Variants in PCSK2 observed in about 807,000 individuals in gnomAD.
The protein encoded by PCSK2 is neuroendocrine convertase 2.
A neutral mutation model predicts 69.7 loss-of-function variants in PCSK2; 14 were observed. That is an observed-to-expected ratio of 0.20 (90% CI 0.13 to 0.31). The LOEUF (loss-of-function observed/expected upper bound fraction) is 0.31. Among genes scored for constraint, PCSK2 ranks in the 10% least tolerant of loss-of-function variants. The pLI, the probability that PCSK2 is intolerant of heterozygous loss-of-function variation, is 1.00. For synonymous variants in PCSK2, 307 were observed against 320.7 expected, an observed-to-expected ratio of 0.96 and a Z score of 0.46; for missense variants, 544 against 842.5, an observed-to-expected ratio of 0.65 and a Z score of 4.39.
chr20:17,425,088 T>A (rs911791448), intron 6 of PCSK2, among the ~76,000 whole-genome samples: 1 of 152,212 alleles, frequency 6.6e-6, no homozygotes, highest in Non-Finnish European at 1.5e-5. Flanking sequence ...TAAAGAATTA[T>A]GTTTTTCTAA....
chr20:17,401,439 C>A (rs975542420), intron 5 of PCSK2, among the ~76,000 whole-genome samples: 1 of 152,056 alleles, frequency 6.6e-6, no homozygotes, highest in Non-Finnish European at 1.5e-5. Flanking sequence ...GCACTAATCC[C>A]GTTCATGAGG....
At chr20:17,315,479 T>C (rs1989654482) in intron 2 of PCSK2, among the ~76,000 whole-genome samples, 1 of 152,198 alleles carries the variant, frequency 6.6e-6, no homozygotes, top group Non-Finnish European at 1.5e-5. Context: ...GCCTCCCTCC[T>C]GCGCGGAAAG....
chr20:17,321,309 C>T (rs1320231930), intron 2 of PCSK2, among the ~76,000 whole-genome samples: 1 of 152,186 alleles, frequency 6.6e-6, no homozygotes, highest in East Asian at 1.9e-4. Flanking sequence ...CATAGGATTG[C>T]AGTGACAGAA....
chr20:17,243,385 A>C (rs141407503), intron 1 of PCSK2, among the ~76,000 whole-genome samples: 1 of 152,276 alleles, frequency 6.6e-6, no homozygotes, highest in Non-Finnish European at 1.5e-5. Context: ...TTTTTTCTAA[A>C]GACAAGGCCT....
At chr20:17,423,219 A>G (rs959838149) in intron 6 of PCSK2, among the ~76,000 whole-genome samples, 6 of 152,220 alleles carry the variant, frequency 3.9e-5, no homozygotes, top group Non-Finnish European at 8.8e-5. Flanking sequence ...ATTAATCAAT[A>G]CATGTGAAGT....
chr20:17,241,061 G>T (rs1423148269), intron 1 of PCSK2, among the ~76,000 whole-genome samples: 1 of 152,176 alleles, frequency 6.6e-6, no homozygotes, highest in Non-Finnish European at 1.5e-5. Context: ...AGACAAATGG[G>T]AGTGCTCCAT....
At chr20:17,380,837 C>T (rs16999051) in intron 5 of PCSK2, among the ~76,000 whole-genome samples, 19,339 of 152,168 alleles carry the variant, frequency 0.13, 1,497 homozygotes, top group Middle Eastern at 0.22. Flanking sequence ...GCAATTAGTG[C>T]GTTATTCTAA....
At chr20:17,410,500 T>C (rs1278302092) in intron 6 of PCSK2, among the ~76,000 whole-genome samples, 1 of 151,864 alleles carries the variant, frequency 6.6e-6, no homozygotes, top group Non-Finnish European at 1.5e-5. Context: ...ATGCAGAAAA[T>C]AAGAAAAAAG....
intron 2 of PCSK2, among the ~76,000 whole-genome samples, chr20:17,296,379 T>C (rs529266170): frequency 1.3e-5 from 2 of 152,290 alleles, no homozygotes; most frequent in African/African-American, 4.8e-5. Context: ...TATAAAGAAT[T>C]ACCAACTTTT....
intron 2 of PCSK2, among the ~76,000 whole-genome samples, chr20:17,328,431 T>A (rs1990123294): frequency 6.7e-6 from 1 of 148,838 alleles, no homozygotes. Context: ...TTATACATAA[T>A]TTTATATATT....
Position 17,452,054 on chromosome 20 carries a change from A to AT in PCSK2, c.886-1683dup, listed in dbSNP as rs1260023608. On this transcript the variant is annotated intron_variant, in intron 8 of 11. Transcript: ENST00000262545. ...ATCACCACACCCAGTTAATTTTTGTATTTTTAGTAGAGACAGGGTTTCACC... is the reference window on the plus strand; with the variant it reads ...ATCACCACACCCAGTTAATTTTTGTATTTTTTAGTAGAGACAGGGTTTCACC... 4.7e-5 allele frequency among the ~76,000 whole-genome samples: 7 copies of AT among 149,304 alleles called. No individual in the cohort carries two copies. The Admixed American group carries it at 4.8e-4, about 10-fold the overall frequency.
At chr20:17,298,449 C>T (rs543034733) in intron 2 of PCSK2, among the ~76,000 whole-genome samples, 1 of 152,200 alleles carries the variant, frequency 6.6e-6, no homozygotes, top group South Asian at 2.1e-4. Context: ...TGGGAAAAGA[C>T]CAGGAATGCT....
At chr20:17,292,182 C>T (rs1988720350) in intron 2 of PCSK2, among the ~76,000 whole-genome samples, 1 of 152,082 alleles carries the variant, frequency 6.6e-6, no homozygotes, top group Admixed American at 6.6e-5. Context: ...GTCCTCACTC[C>T]AAAATCAAAT....
chr20:17,423,850 GC>G (rs2032187279), intron 6 of PCSK2, among the ~76,000 whole-genome samples: 1 of 152,148 alleles, frequency 6.6e-6, no homozygotes, highest in Non-Finnish European at 1.5e-5. Context: ...AAGCCAAATA[GC>G]CTATGAAAAG....
At chr20:17,424,544 G>A (rs928071831) in intron 6 of PCSK2, among the ~76,000 whole-genome samples, 1 of 152,178 alleles carries the variant, frequency 6.6e-6, no homozygotes, top group Non-Finnish European at 1.5e-5. Flanking sequence ...CCAGGCTGGA[G>A]TGCAGTGGCT....
intron 1 of PCSK2, among the ~76,000 whole-genome samples, chr20:17,236,226 G>A (rs528504174): frequency 6.6e-6 from 1 of 152,104 alleles, no homozygotes; most frequent in South Asian, 2.1e-4. Context: ...AAATTTAACA[G>A]AAGAGAAAAT....
Position 17,314,242 on chromosome 20 carries a change from T to G in PCSK2, c.283-44085T>G, listed in dbSNP as rs76372229. On this transcript the variant is annotated intron_variant, in intron 2 of 11. Coordinates refer to ENST00000262545, the MANE Select transcript of PCSK2 (RefSeq NM_002594.5). Reference sequence around the variant, plus strand: ...AGATTTCCAACCTGCTTTGATTTCCTCTCTAGGTAGTTTTTTATTTTGTGT... The same window carrying G: ...AGATTTCCAACCTGCTTTGATTTCCGCTCTAGGTAGTTTTTTATTTTGTGT... Among the ~76,000 whole-genome samples the G allele has an allele frequency of 4.9e-3, 751 of 152,316 alleles. 6 individuals carry two copies. Among genetic ancestry groups the G allele is most frequent in the East Asian group, 0.023 (119 of 5,184 alleles).
At position 17,268,033 on chromosome 20, in the gene PCSK2, GTATATATATA is replaced by G. The variant is rs753655282; in HGVS notation, c.282+7710_282+7719del. On this transcript the variant is annotated intron_variant, in intron 2 of 11. Coordinates refer to ENST00000262545, the MANE Select transcript of PCSK2 (RefSeq NM_002594.5). Reference sequence around the variant, plus strand: ...GGAAATGCATTTATATATCCAATGTGTATATATATATATATATATATATATATATAATGCA... The same window carrying G: ...GGAAATGCATTTATATATCCAATGTGTATATATATATATATATATAATGCA... Among the ~76,000 whole-genome samples the G allele has an allele frequency of 1.5e-3, 98 of 66,322 alleles. 1 individual carries two copies. The South Asian group carries it at 0.038, about 26-fold the overall frequency. 43.5% of individuals were successfully genotyped at this position (66,322 alleles called of 152,430 possible).
At chr20:17,367,908 G>A (rs2030644502) in intron 4 of PCSK2, among the ~76,000 whole-genome samples, 1 of 152,104 alleles carries the variant, frequency 6.6e-6, no homozygotes, top group African/African-American at 2.4e-5. Context: ...GGAGGCAAGT[G>A]GGAGAAGAAG....
Sources: allele counts gnomAD v4.1 joint callset (sites outside exome capture counted in the v4.1 genomes callset), GRCh38; gene constraint gnomAD v4.1.1; transcripts MANE v1.5; gene names NCBI Gene and HGNC (gene_info 2026-07-23, HGNC 2026-07-21).